HOXD4: variants seen among roughly 807,000 people sequenced by gnomAD.
HOXD4 encodes the protein homeobox D4.
In HOXD4, 15 loss-of-function variants were observed where a neutral mutation model predicts 22.6. The observed-to-expected ratio is 0.67, with a 90% CI of 0.45 to 1.02. The LOEUF (loss-of-function observed/expected upper bound fraction) is 1.02. Among genes scored for constraint, HOXD4 ranks in the 50% least tolerant of loss-of-function variants. The probability of loss-of-function intolerance (pLI) is 0.00; values close to 1 mark genes in which losing one functional copy is unlikely to be tolerated. For synonymous variants in HOXD4, 176 were observed against 157.0 expected (o/e 1.12, Z -0.90); for missense variants, 350 against 346.6 (o/e 1.01, Z -0.08).
chr2:176,152,578 C>G lies in HOXD4; in HGVS notation c.434-30C>G, dbSNP rs763938217. 1.3e-6 allele frequency: 2 copies of G among 1,591,646 alleles called. No homozygotes were observed. The highest frequency in any genetic ancestry group is 1.7e-6 in the Non-Finnish European group (2 of 1,160,416). On this transcript the variant is annotated intron_variant, in intron 1 of 1. Transcript: ENST00000306324. This position sits in a 1 kb window ranked among gnomAD's most constrained non-coding sequence, Gnocchi z 5.2. ...GGCCTAACTAGTGGCCGGGCGCTGACCTGCCTGTCCTGTCTGTTTTGTCTC... is the reference window on the plus strand; with the variant it reads ...GGCCTAACTAGTGGCCGGGCGCTGAGCTGCCTGTCCTGTCTGTTTTGTCTC...
chr2:176,151,758 A>G lies in HOXD4; in HGVS notation c.125A>G (p.Gln42Arg), dbSNP rs767926468. ...GCCGACTACTACGGCGGCGGCGCGCAGGGCGCAGACTTCCAGCCCCCGGGG... is the reference window on the plus strand; with the variant it reads ...GCCGACTACTACGGCGGCGGCGCGCGGGGCGCAGACTTCCAGCCCCCGGGG... ...QGADYYGGGAQGADFQPPGLY... is the reference protein window; with the variant it reads ...QGADYYGGGARGADFQPPGLY... Residue 42 changes from glutamine (Q) to arginine (R), a missense_variant, in exon 1 of 2, where the codon CAG becomes CGG. Transcript: ENST00000306324. The G allele has an allele frequency of 1.2e-6, 2 of 1,612,846 alleles. No individual in the cohort carries two copies. Among genetic ancestry groups the G allele is most frequent in the South Asian group, 2.2e-5 (2 of 91,070 alleles).
In HOXD4 at chr2:176,151,789, C is replaced by T. The variant is rs1358327868; in HGVS notation, c.156C>T (p.Tyr52=). The T allele has an allele frequency of 1.2e-6, 2 of 1,611,974 alleles. No homozygotes were observed. The highest frequency in any genetic ancestry group is 1.7e-5 in the Admixed American group (1 of 59,840). The change falls in exon 1 of 2, where the codon TAC becomes TAT. Residue 52 remains tyrosine, a synonymous_variant. Transcript: ENST00000306324. ...QGADFQPPGL[Y]PRPDFGEQPF... is the part of the protein sequence containing the mutation. ...CAGACTTCCAGCCCCCGGGGCTCTA[C>T]CCACGGCCCGACTTCGGTGAGCAGC...
At position 176,153,222 on chromosome 2, in the gene HOXD4, A is replaced by C; in HGVS notation, c.*280A>C. On this transcript the variant is annotated 3_prime_UTR_variant, in exon 2 of 2. Coordinates refer to ENST00000306324, the MANE Select transcript of HOXD4 (RefSeq NM_014621.3). ...CTTGGCGAGTCATTAAACTTATGAA[A>C]ATCACCGCTCTTGGATTTTGAATTT... 2.2e-6 allele frequency: 1 copy of C among 457,314 alleles called. No homozygotes were observed. Among genetic ancestry groups the C allele is most frequent in the South Asian group, 2.9e-5 (1 of 33,978 alleles). 28.3% of individuals were successfully genotyped at this position (457,314 alleles called of 1,614,324 possible).
In HOXD4 at chr2:176,151,666, G is replaced by C. The variant is rs1446734764; in HGVS notation, c.33G>C (p.Lys11Asn). ...TGAGTTCGTATATGGTGAACTCCAA[G>C]TATGTGGACCCCAAGTTCCCTCCGT... MVMSSYMVNS[K>N]YVDPKFPPCE... Residue 11 changes from lysine (K) to asparagine (N), a missense_variant, in exon 1 of 2, where the codon AAG becomes AAC. Coordinates refer to ENST00000306324, the MANE Select transcript of HOXD4 (RefSeq NM_014621.3). 1.2e-6 allele frequency: 2 copies of C among 1,613,510 alleles called. No homozygotes were observed. The highest frequency in any genetic ancestry group is 3.3e-5 in the Admixed American group (2 of 60,034).
In HOXD4 at chr2:176,152,607, G is replaced by A. The variant is rs1690563096; in HGVS notation, c.434-1G>A. 6.2e-7 allele frequency: 1 copy of A among 1,613,628 alleles called. No homozygotes were observed. Among genetic ancestry groups the A allele is most frequent in the South Asian group, 1.1e-5 (1 of 91,076 alleles). ...CCTGTCCTGTCTGTTTTGTCTCGCA[G>A]TGAACCCCAACTACACCGGTGGGGA... On this transcript the variant is annotated splice_acceptor_variant, in intron 1 of 1. Coordinates refer to ENST00000306324, the MANE Select transcript of HOXD4 (RefSeq NM_014621.3). LOFTEE classifies it high-confidence loss of function. The surrounding 1 kb of genome is among the most constrained non-coding windows in gnomAD (Gnocchi z 5.2).
Position 176,151,584 on chromosome 2 carries a change from G to C in HOXD4, c.-50G>C. 6.5e-7 allele frequency: 1 copy of C among 1,542,186 alleles called. No homozygotes were observed. On this transcript the variant is annotated 5_prime_UTR_variant, in exon 1 of 2. Transcript: ENST00000306324. ...CAAGTAGGAGGGCCCTATGGAAGGA[G>C]AAAAAAAGACAACACGAGAAAAATT... is the stretch of plus-strand genomic sequence containing the variant.
chr2:176,152,765 G>C lies in HOXD4; in HGVS notation c.591G>C (p.Gln197His), dbSNP rs982487864. Residue 197 changes from glutamine to histidine, a missense_variant, in exon 2 of 2, where the codon CAG becomes CAC. Transcript: ENST00000306324. This position sits in a 1 kb window ranked among gnomAD's most constrained non-coding sequence, Gnocchi z 5.2. Reference sequence around the variant, plus strand: ...ACACCCTGTGTCTGTCGGAGCGCCAGATCAAGATCTGGTTCCAGAACCGGA... The same window carrying C: ...ACACCCTGTGTCTGTCGGAGCGCCACATCAAGATCTGGTTCCAGAACCGGA... The part of the protein sequence containing the change: ...IAHTLCLSER[Q>H]IKIWFQNRRM... 1.2e-6 allele frequency: 2 copies of C among 1,614,212 alleles called. No homozygotes were observed. Among genetic ancestry groups the C allele is most frequent in the Non-Finnish European group, 1.7e-6 (2 of 1,180,018 alleles).
rs976697780 is a variant in HOXD4, at chr2:176,152,048, A to G, written c.415A>G (p.Lys139Glu). The G allele has an allele frequency of 2.4e-5, 38 of 1,613,324 alleles. No individual in the cohort carries two copies. The highest frequency in any genetic ancestry group is 6.7e-5 in the Admixed American group (4 of 60,002). ...QPAVVYPWMK[K>E]VHVNSVNPNY... Reference sequence around the variant, plus strand: ...GGCCGTGGTCTACCCCTGGATGAAGAAGGTGCACGTGAATTCGGGTAAGGC... The same window carrying G: ...GGCCGTGGTCTACCCCTGGATGAAGGAGGTGCACGTGAATTCGGGTAAGGC... Residue 139 changes from lysine to glutamate, a missense_variant, in exon 1 of 2, where the codon AAG (lysine) becomes GAG (glutamate). Lys to Glu is a moderately conservative substitution (Grantham distance 56). Transcript: ENST00000306324. The surrounding 1 kb of genome is among the most constrained non-coding windows in gnomAD (Gnocchi z 5.2).
In HOXD4 at chr2:176,151,624, T is replaced by C; in HGVS notation, c.-10T>C. ...CGAGAAAAATTAGTATTTTCTACCT[T>C]CTGAAATTAATGGTCATGAGTTCGT... On this transcript the variant is annotated 5_prime_UTR_variant, in exon 1 of 2. Coordinates refer to ENST00000306324, the MANE Select transcript of HOXD4 (RefSeq NM_014621.3). The C allele has an allele frequency of 6.2e-7, 1 of 1,609,474 alleles. No homozygotes were observed.
Position 176,152,542 on chromosome 2 carries a change from C to A in HOXD4, c.434-66C>A. On this transcript the variant is annotated intron_variant, in intron 1 of 1. Transcript: ENST00000306324. This position sits in a 1 kb window ranked among gnomAD's most constrained non-coding sequence, Gnocchi z 5.2. ...TCGGGGCGCGCCAGGAAGTGAGCGG[C>A]GGAGGCGAGGGGCCTAACTAGTGGC... is the stretch of plus-strand genomic sequence containing the variant. The A allele has an allele frequency of 7.3e-7, 1 of 1,363,480 alleles. No individual in the cohort carries two copies. The highest frequency in any genetic ancestry group is 2.3e-5 in the East Asian group (1 of 43,584). The allele number at this position is 1,363,480 out of a possible 1,614,324, so 84.5% of individuals were successfully genotyped here. A position where few individuals can be genotyped will look rare whatever the true frequency, so the allele number is the denominator to read the frequency against.
rs1690540933 is a variant in HOXD4, at chr2:176,152,019, A to T, written c.386A>T (p.Gln129Leu). 6.2e-7 allele frequency: 1 copy of T among 1,613,540 alleles called. No individual in the cohort carries two copies. The highest frequency in any genetic ancestry group is 1.3e-5 in the African/African-American group (1 of 75,028). ...CCGCCCTCCGGGACGGCACTCAAGC[A>T]GCCGGCCGTGGTCTACCCCTGGATG... ...KQPPSGTALK[Q>L]PAVVYPWMKK... Residue 129 changes from glutamine to leucine, a missense_variant, in exon 1 of 2, where the codon CAG (glutamine) becomes CTG (leucine). Gln to Leu is a moderately radical substitution (Grantham distance 113). Transcript: ENST00000306324. This position sits in a 1 kb window ranked among gnomAD's most constrained non-coding sequence, Gnocchi z 5.2.
chr2:176,152,612 C>T lies in HOXD4; in HGVS notation c.438C>T (p.Asn146=). 6.2e-7 allele frequency: 1 copy of T among 1,613,832 alleles called. No individual in the cohort carries two copies. Among genetic ancestry groups the T allele is most frequent in the Non-Finnish European group, 8.5e-7 (1 of 1,179,798 alleles). Reference sequence around the variant, plus strand: ...CCTGTCTGTTTTGTCTCGCAGTGAACCCCAACTACACCGGTGGGGAACCCA... The same window carrying T: ...CCTGTCTGTTTTGTCTCGCAGTGAATCCCAACTACACCGGTGGGGAACCCA... ...WMKKVHVNSV[N]PNYTGGEPKR... The change falls in exon 2 of 2, where the codon AAC becomes AAT. Residue 146 remains asparagine, a synonymous_variant. Coordinates refer to ENST00000306324, the MANE Select transcript of HOXD4 (RefSeq NM_014621.3). This position sits in a 1 kb window ranked among gnomAD's most constrained non-coding sequence, Gnocchi z 5.2.
At position 176,152,612 on chromosome 2, in the gene HOXD4, CCCCAACTACACCGGTGGGGAA is replaced by C; in HGVS notation, c.444_464del (p.Asn148_Pro154del). ...CCTGTCTGTTTTGTCTCGCAGTGAA[CCCCAACTACACCGGTGGGGAA>C]CCCAAGCGGTCCCGAACGGCCTACA... On this transcript the variant is annotated inframe_deletion, in exon 2 of 2. Transcript: ENST00000306324. The surrounding 1 kb of genome is among the most constrained non-coding windows in gnomAD (Gnocchi z 5.2). 1 of 1,613,832 alleles carries C rather than the reference CCCCAACTACACCGGTGGGGAA, an allele frequency of 6.2e-7. No individual in the cohort carries two copies. Among genetic ancestry groups the C allele is most frequent in the Non-Finnish European group, 8.5e-7 (1 of 1,179,798 alleles).
At position 176,153,168 on chromosome 2, in the gene HOXD4, T is replaced by G; in HGVS notation, c.*226T>G. Reference sequence around the variant, plus strand: ...CGGGATTCTCTCTCTAAGTATATTATATGGCAGGAGCTACTGAGAACATAA... The same window carrying G: ...CGGGATTCTCTCTCTAAGTATATTAGATGGCAGGAGCTACTGAGAACATAA... On this transcript the variant is annotated 3_prime_UTR_variant, in exon 2 of 2. Transcript: ENST00000306324. The G allele has an allele frequency of 1.7e-6, 1 of 574,954 alleles. No individual in the cohort carries two copies. The highest frequency in any genetic ancestry group is 3.1e-6 in the Non-Finnish European group (1 of 321,334). The allele number at this position is 574,954 out of a possible 1,614,324, so 35.6% of individuals were successfully genotyped here. A position where few individuals can be genotyped will look rare whatever the true frequency, so the allele number is the denominator to read the frequency against.
Position 176,153,038 on chromosome 2 carries a change from G to A in HOXD4, c.*96G>A. ...TGCTGTCACCTCGCTGGGCTCTAAGGTACTGTGGGGTGGACCTGGGACAAG... is the reference window on the plus strand; with the variant it reads ...TGCTGTCACCTCGCTGGGCTCTAAGATACTGTGGGGTGGACCTGGGACAAG... On this transcript the variant is annotated 3_prime_UTR_variant, in exon 2 of 2. Coordinates refer to ENST00000306324, the MANE Select transcript of HOXD4 (RefSeq NM_014621.3). 1 of 1,086,182 alleles carries A rather than the reference G, an allele frequency of 9.2e-7. No individual in the cohort carries two copies. Among genetic ancestry groups the A allele is most frequent in the Non-Finnish European group, 1.3e-6 (1 of 750,032 alleles). 67.3% of individuals were successfully genotyped at this position (1,086,182 alleles called of 1,614,324 possible). A position where few individuals can be genotyped will look rare whatever the true frequency, so the allele number is the denominator to read the frequency against.
Position 176,151,845 on chromosome 2 carries a change from C to G in HOXD4, c.212C>G (p.Ser71Trp). The part of the protein sequence containing the change: ...PFGGSGPGPG[S>W]ALPARGHGQE... ...GGAGGCAGCGGCCCCGGGCCTGGCT[C>G]GGCGCTGCCTGCGCGGGGTCACGGA... Residue 71 changes from serine to tryptophan, a missense_variant, in exon 1 of 2, where the codon TCG (serine) becomes TGG (tryptophan). By Grantham distance (177) the Ser-to-Trp change is radical. Coordinates refer to ENST00000306324, the MANE Select transcript of HOXD4 (RefSeq NM_014621.3). 1.3e-6 allele frequency: 2 copies of G among 1,595,748 alleles called. No homozygotes were observed. The highest frequency in any genetic ancestry group is 1.3e-5 in the African/African-American group (1 of 74,542).
rs935159800 is a variant in HOXD4 at position 176,152,526 on chromosome 2, G to T, written c.434-82G>T. The T allele has an allele frequency of 3.2e-5, 39 of 1,235,282 alleles. No homozygotes were observed. The African/African-American group carries it at 4.6e-4, about 15-fold the overall frequency. The allele number at this position is 1,235,282 out of a possible 1,614,324, so 76.5% of individuals were successfully genotyped here. On this transcript the variant is annotated intron_variant, in intron 1 of 1. Coordinates refer to ENST00000306324, the MANE Select transcript of HOXD4 (RefSeq NM_014621.3). The surrounding 1 kb of genome is among the most constrained non-coding windows in gnomAD (Gnocchi z 5.2). ...GGGAGGGCCGCGGGCCTCGGGGCGCGCCAGGAAGTGAGCGGCGGAGGCGAG... is the reference window on the plus strand; with the variant it reads ...GGGAGGGCCGCGGGCCTCGGGGCGCTCCAGGAAGTGAGCGGCGGAGGCGAG...
In HOXD4 at chr2:176,152,687, A is replaced by G. The variant is rs199697693; in HGVS notation, c.513A>G (p.Lys171=). 2.5e-6 allele frequency: 4 copies of G among 1,614,188 alleles called. No homozygotes were observed. The East Asian group carries it at 8.9e-5, about 36-fold the overall frequency. The change falls in exon 2 of 2, where the codon AAA becomes AAG. Residue 171 remains lysine, a synonymous_variant. Coordinates refer to ENST00000306324, the MANE Select transcript of HOXD4 (RefSeq NM_014621.3). The surrounding 1 kb of genome is among the most constrained non-coding windows in gnomAD (Gnocchi z 5.2). ...GGCAGCAAGTCCTAGAACTGGAAAAAGAATTTCATTTTAACAGGTATCTGA... is the reference window on the plus strand; with the variant it reads ...GGCAGCAAGTCCTAGAACTGGAAAAGGAATTTCATTTTAACAGGTATCTGA... ...YTRQQVLELE[K]EFHFNRYLTR...
In HOXD4 at chr2:176,152,354, A is replaced by T. The variant is rs1343394190; in HGVS notation, c.434-254A>T. ...TTTCCAAAATGCTTGAGGGTTCCGG[A>T]CCTGGTGGTGGGCCCAGAAGAAGGA... is the stretch of plus-strand genomic sequence containing the variant. On this transcript the variant is annotated intron_variant, in intron 1 of 1. Coordinates refer to ENST00000306324, the MANE Select transcript of HOXD4 (RefSeq NM_014621.3). The surrounding 1 kb of genome is among the most constrained non-coding windows in gnomAD (Gnocchi z 5.2). 6.6e-6 allele frequency among the ~76,000 whole-genome samples: 1 copy of T among 151,606 alleles called. No individual in the cohort carries two copies. Among genetic ancestry groups the T allele is most frequent in the Non-Finnish European group, 1.5e-5 (1 of 67,910 alleles).
Sources: gnomAD v4.1 joint callset for allele counts (sites outside exome capture counted in the v4.1 genomes callset) on GRCh38, gnomAD v4.1.1 for gene constraint, Gnocchi (gnomAD v3.1) non-coding constraint, MANE v1.5 for transcripts, NCBI Gene and HGNC (gene_info 2026-07-23, HGNC 2026-07-21) for gene names.